FBXW11: variants seen among roughly 807,000 people sequenced by gnomAD.
The protein encoded by FBXW11 is F-box/WD repeat-containing protein 11.
In FBXW11, 19 loss-of-function variants were observed where a neutral mutation model predicts 77.6. The observed-to-expected ratio is 0.24, with a 90% CI of 0.17 to 0.36. The LOEUF (loss-of-function observed/expected upper bound fraction) is 0.36. Ranked by LOEUF, FBXW11 falls within the 10% of genes least tolerant of loss-of-function variation. FBXW11 has a pLI of 1.00. For synonymous variants in FBXW11, 235 were observed against 249.4 expected (o/e 0.94, Z 0.54); for missense variants, 334 against 704.2 (o/e 0.47, Z 5.95).
intron 4 of FBXW11, among the ~76,000 whole-genome samples, chr5:171,901,664 C>G (rs935347940): frequency 6.6e-6 from 1 of 152,170 alleles, no homozygotes; most frequent in Non-Finnish European, 1.5e-5. Context: ...ACAGAAGACG[C>G]CTAAGATGGC....
chr5:171,948,903 C>T (rs994622228), intron 2 of FBXW11, among the ~76,000 whole-genome samples: 1 of 152,244 alleles, frequency 6.6e-6, no homozygotes, highest in South Asian at 2.1e-4. Flanking sequence ...AGCACAGGCT[C>T]TCTTCCAAAG....
chr5:171,943,898 A>G (rs185979541), intron 2 of FBXW11, among the ~76,000 whole-genome samples: 94 of 152,360 alleles, frequency 6.2e-4, no homozygotes, highest in African/African-American at 2.2e-3. Flanking sequence ...TTTTCAAAAT[A>G]AAAATGTTCA....
chr5:171,881,910 T>C (rs1233178480), intron 7 of FBXW11, among the ~76,000 whole-genome samples: 1 of 152,244 alleles, frequency 6.6e-6, no homozygotes, highest in East Asian at 1.9e-4. Flanking sequence ...ATGAGAGCTA[T>C]AGTGATGTCT....
intron 1 of FBXW11, among the ~76,000 whole-genome samples, chr5:171,980,223 C>T (rs954345109): frequency 6.6e-6 from 1 of 152,184 alleles, no homozygotes; most frequent in Admixed American, 6.5e-5. Flanking sequence ...AGAGAAGTTA[C>T]TATTTATTCC....
chr5:171,934,560 A>C (rs1762372797), intron 2 of FBXW11, among the ~76,000 whole-genome samples: 2 of 151,644 alleles, frequency 1.3e-5, no homozygotes, highest in African/African-American at 4.8e-5. Flanking sequence ...ACCTGAAGTT[A>C]CAGCTACTTG....
intron 1 of FBXW11, among the ~76,000 whole-genome samples, chr5:171,979,332 AATACATAC>A (rs371289706): frequency 2.0e-5 from 3 of 151,940 alleles, no homozygotes; most frequent in South Asian, 2.1e-4. Context: ...ATACATACAT[AATACATAC>A]ATACATACAT....
At chr5:171,891,937 G>A (rs1335557782) in intron 6 of FBXW11, among the ~76,000 whole-genome samples, 2 of 151,986 alleles carry the variant, frequency 1.3e-5, no homozygotes, top group African/African-American at 2.4e-5. Context: ...TCATTGGGTC[G>A]CTCCCTAATG....
chr5:171,935,065 C>G (rs145774745), intron 2 of FBXW11, among the ~76,000 whole-genome samples: 1,863 of 152,214 alleles, frequency 0.012, 22 homozygotes, highest in Non-Finnish European at 0.02. Flanking sequence ...GCTATTCTCC[C>G]GCCTCAGACT....
At position 171,893,421 on chromosome 5, in the gene FBXW11, C is replaced by CAAAAAAAAAAAAAAAAAA. The variant is rs397999920; in HGVS notation, c.715-1835_715-1818dup. On this transcript the variant is annotated intron_variant, in intron 6 of 13. Transcript: ENST00000517395. ...GACATACAAAAGCACACTTCAAAAC[C>CAAAAAAAAAAAAAAAAAA]AAAAAAAAAAAAAAAAAAAAAAAAA... Among the ~76,000 whole-genome samples, 209 of 39,818 alleles carry CAAAAAAAAAAAAAAAAAA rather than the reference C, an allele frequency of 5.2e-3. 53 individuals are homozygous for CAAAAAAAAAAAAAAAAAA. Among genetic ancestry groups the CAAAAAAAAAAAAAAAAAA allele is most frequent in the East Asian group, 7.2e-3 (6 of 834 alleles). 26.1% of individuals were successfully genotyped at this position (39,818 alleles called of 152,430 possible).
intron 1 of FBXW11, among the ~76,000 whole-genome samples, chr5:171,958,600 C>CT (rs1390857146): frequency 4.6e-5 from 7 of 152,146 alleles, no homozygotes; most frequent in African/African-American, 4.8e-5. Flanking sequence ...CTTCGATCCT[C>CT]TTTTAAAAGC....
intron 13 of FBXW11, among the ~76,000 whole-genome samples, chr5:171,867,249 T>C (rs922226133): frequency 1.3e-5 from 2 of 152,212 alleles, no homozygotes; most frequent in African/African-American, 4.8e-5. Flanking sequence ...ATAAGGTCTC[T>C]GTTGCAACTA....
chr5:171,917,579 T>C (rs920576310), intron 2 of FBXW11, among the ~76,000 whole-genome samples: 23 of 152,282 alleles, frequency 1.5e-4, no homozygotes, highest in Non-Finnish European at 1.2e-4. Context: ...CTACATACTT[T>C]TCCACTTCTT....
intron 1 of FBXW11, among the ~76,000 whole-genome samples, chr5:171,973,331 G>A (rs1460215181): frequency 5.9e-5 from 9 of 152,152 alleles, no homozygotes. Context: ...AGATGGGAGA[G>A]GCGATTTTTA....
intron 10 of FBXW11, among the ~76,000 whole-genome samples, chr5:171,871,432 T>C (rs1242743980): frequency 2.0e-5 from 3 of 152,204 alleles, no homozygotes; most frequent in African/African-American, 7.2e-5. Flanking sequence ...TGTCTCTTGA[T>C]GAGGCTTGGG....
intron 2 of FBXW11, among the ~76,000 whole-genome samples, chr5:171,925,199 G>A (rs977487280): frequency 6.6e-6 from 1 of 152,038 alleles, no homozygotes; most frequent in African/African-American, 2.4e-5. Flanking sequence ...ACACACACTA[G>A]GTATAAACAT....
At position 171,869,746 on chromosome 5, in the gene FBXW11, A is replaced by G; in HGVS notation, c.1513T>C (p.Cys505Arg). The G allele has an allele frequency of 6.2e-7, 1 of 1,610,974 alleles. No individual in the cohort carries two copies. Among genetic ancestry groups the G allele is most frequent in the Non-Finnish European group, 8.5e-7 (1 of 1,178,384 alleles). ...TCACATACCACCAATGTGCGCAAACACAATGTGCTTGCTGGGGCTCGAGGG... is the reference window on the plus strand; with the variant it reads ...TCACATACCACCAATGTGCGCAAACGCAATGTGCTTGCTGGGGCTCGAGGG... ...LDPRAPASTL[C>R]LRTLVEHSGR... Residue 505 changes from cysteine to arginine, a missense_variant, in exon 12 of 14, where the codon TGT becomes CGT. Transcript: ENST00000517395. The surrounding 1 kb of genome is among the most constrained non-coding windows in gnomAD (Gnocchi z 4.1).
At chr5:171,897,486 A>C (rs1287473712) in intron 6 of FBXW11, among the ~76,000 whole-genome samples, 1 of 152,144 alleles carries the variant, frequency 6.6e-6, no homozygotes, top group Non-Finnish European at 1.5e-5. Context: ...CTCCTACTTT[A>C]AACTATCATT....
intron 4 of FBXW11, among the ~76,000 whole-genome samples, chr5:171,909,907 C>T (rs1429123017): frequency 6.6e-6 from 1 of 152,116 alleles, no homozygotes; most frequent in East Asian, 1.9e-4. Flanking sequence ...ACTTCCCAAA[C>T]ATACAAACTA....
intron 1 of FBXW11, among the ~76,000 whole-genome samples, chr5:172,003,613 T>A (rs997569655): frequency 7.2e-5 from 11 of 152,172 alleles, no homozygotes; most frequent in African/African-American, 2.7e-4. Context: ...TAAGAGCTTA[T>A]AGACTTTACT....
Sources: allele counts gnomAD v4.1 joint callset (sites outside exome capture counted in the v4.1 genomes callset), GRCh38; gene constraint gnomAD v4.1.1; non-coding constraint Gnocchi (gnomAD v3.1); transcripts MANE v1.5; gene names NCBI Gene and HGNC (gene_info 2026-07-23, HGNC 2026-07-21).